CFAP99: variants seen among roughly 807,000 people sequenced by gnomAD.
CFAP99 encodes the protein cilia and flagella associated protein 99.
CFAP99 carries 84 observed loss-of-function variants against 82.7 expected under a neutral mutation model. The ratio of observed to expected loss-of-function variants is 1.02; its 90% CI spans 0.85 to 1.22. The LOEUF (loss-of-function observed/expected upper bound fraction) is 1.22. Ranked by LOEUF, CFAP99 falls within the 50% of genes most tolerant of loss-of-function variation. The pLI, the probability that CFAP99 is intolerant of heterozygous loss-of-function variation, is 0.00. For synonymous variants in CFAP99, 456 were observed against 429.5 expected, an observed-to-expected ratio of 1.06 and a Z score of -0.76; for missense variants, 1,059 against 983.5, an observed-to-expected ratio of 1.08 and a Z score of -1.03.
Position 2,462,661 on chromosome 4 carries a change from G to C in CFAP99, c.1880G>C (p.Gly627Ala), listed in dbSNP as rs1015652308. 23 of 1,272,070 alleles carry C rather than the reference G, an allele frequency of 1.8e-5. No homozygotes were observed. The highest frequency in any genetic ancestry group is 2.1e-5 in the Non-Finnish European group (21 of 1,011,758). 78.8% of individuals were successfully genotyped at this position (1,272,070 alleles called of 1,614,324 possible). A position where few individuals can be genotyped will look rare whatever the true frequency, so the allele number is the denominator to read the frequency against. Residue 627 changes from glycine (G) to alanine (A), a missense_variant, in exon 15 of 15, where the codon GGA (glycine) becomes GCA (alanine). Coordinates refer to ENST00000635017, the Ensembl canonical transcript of CFAP99. This position sits in a 1 kb window ranked among gnomAD's most constrained non-coding sequence, Gnocchi z 4.1. ...CGACTGAAAGCCGGGGCCGGGTGGG[G>C]ATGGCGGGCGCGGCGCGCAGGGACC...
chr4:2,459,355 T>C (rs1238153835), intron 13 of CFAP99, 97 bp downstream of exon 13: 2 of 1,388,848 alleles, frequency 1.4e-6, no homozygotes, highest in Admixed American at 2.7e-5. Context: ...GAGCCACAGG[T>C]GGGTCTTGCA....
chr4:2,459,342 C>A, intron 13 of CFAP99, 84 bp downstream of exon 13: 1 of 1,427,492 alleles, frequency 7.0e-7, no homozygotes, highest in Non-Finnish European at 9.2e-7. Flanking sequence ...AGGGTTCCCA[C>A]CAGAGCCACA....
At chr4:2,419,262 A>G (rs1358845125) in intron 1 of CFAP99, among the ~76,000 whole-genome samples, 169 bp downstream of exon 1, 6 of 148,504 alleles carry the variant, frequency 4.0e-5, no homozygotes, top group Middle Eastern at 3.5e-3. Context: ...TTAAATCACC[A>G]CTATCAGCGG....
chr4:2,442,527 C>T (rs971154327), intron 4 of CFAP99, among the ~76,000 whole-genome samples: 1 of 152,082 alleles, frequency 6.6e-6, no homozygotes, highest in African/African-American at 2.4e-5. Context: ...CGCCATCCTG[C>T]CCACCATTAC....
chr4:2,462,476 G>T lies in CFAP99; in HGVS notation c.1695G>T (p.Pro565=). The T allele has an allele frequency of 6.8e-7, 1 of 1,470,976 alleles. No homozygotes were observed. Among genetic ancestry groups the T allele is most frequent in the South Asian group, 1.3e-5 (1 of 77,076 alleles). The allele number at this position is 1,470,976 out of a possible 1,614,324, so 91.1% of individuals were successfully genotyped here. A position where few individuals can be genotyped will look rare whatever the true frequency, so the allele number is the denominator to read the frequency against. The change falls in exon 15 of 15, where the codon CCG becomes CCT. Residue 565 remains proline (P), a synonymous_variant. Transcript: ENST00000635017. The surrounding 1 kb of genome is among the most constrained non-coding windows in gnomAD (Gnocchi z 4.1). ...AAAAGAAGGCCCTTGCGGCGGCCCC[G>T]GCGGCGCCCTCGCAGGACGAGCGCG... is the stretch of plus-strand genomic sequence containing the variant.
chr4:2,445,992 G>T (rs1334127933), intron 6 of CFAP99, among the ~76,000 whole-genome samples: 1 of 152,202 alleles, frequency 6.6e-6, no homozygotes, highest in African/African-American at 2.4e-5. Flanking sequence ...ATAATGTCCT[G>T]ACTGGTTACG....
intron 11 of CFAP99, among the ~76,000 whole-genome samples, chr4:2,454,594 G>GTTTTTTTTTTTTTTTTTTTT (rs1204498727): frequency 1.7e-4 from 14 of 84,534 alleles, no homozygotes; most frequent in East Asian, 4.1e-4. Context: ...TTTTTTTTTT[G>GTTTTTTTTTTTTTTTTTTTT]TTTTTTTTTT....
At position 2,449,763 on chromosome 4, in the gene CFAP99, C is replaced by T. The variant is rs540800678; in HGVS notation, c.723+13C>T. 2.1e-4 allele frequency: 326 copies of T among 1,535,910 alleles called. 1 individual carries two copies. Among genetic ancestry groups the T allele is most frequent in the Non-Finnish European group, 6.3e-5 (72 of 1,146,660 alleles). On this transcript the variant is annotated intron_variant, in intron 7 of 14. Coordinates refer to ENST00000635017, the Ensembl canonical transcript of CFAP99. ...CCGAAAGGCCGAGGTGAGCTGTGTG[C>T]GACCCCTGCCTTCCTAGAGACCCCA...
Position 2,449,982 on chromosome 4 carries a change from AGG to A in CFAP99, c.773_774del (p.Arg258IlefsTer31). ...CGAGGAACTGCGCTGCGCCATGCCC[AGG>A]TCCTGCAGGGAGCGAGTGCAGGTAC... is the stretch of plus-strand genomic sequence containing the variant. On this transcript the variant is annotated frameshift_variant, in exon 8 of 15. Transcript: ENST00000635017. LOFTEE classifies it high-confidence loss of function. 6.5e-7 allele frequency: 1 copy of A among 1,536,178 alleles called. No homozygotes were observed. Among genetic ancestry groups the A allele is most frequent in the Non-Finnish European group, 8.7e-7 (1 of 1,146,912 alleles).
rs747770075 is a variant in CFAP99, at chr4:2,452,316, C to G, written c.1131C>G (p.Asn377Lys). ...CCCGGCAGAGCCTCATGCAGGAGAA[C>G]AAGCAGAGGGTGGAGCAGCAGAAGG... The change falls in exon 11 of 15, where the codon AAC becomes AAG. Residue 377 changes from asparagine (N) to lysine (K), a missense_variant. Asn to Lys is a moderately conservative substitution (Grantham distance 94). Transcript: ENST00000635017. 13 of 1,535,016 alleles carry G rather than the reference C, an allele frequency of 8.5e-6. No homozygotes were observed. In the South Asian group the frequency reaches 1.3e-4, roughly 15 times the overall value.
At position 2,459,105 on chromosome 4, in the gene CFAP99, A is replaced by G; in HGVS notation, c.1304-2A>G. On this transcript the variant is annotated splice_acceptor_variant, in intron 12 of 14. Coordinates refer to ENST00000635017, the Ensembl canonical transcript of CFAP99. LOFTEE classifies it high-confidence loss of function. ...ACCTCAGCTCCTGGCTTGGCCCCCA[A>G]GTTCAGGAGGCGATCGAGGAGAGCA... The G allele has an allele frequency of 6.6e-7, 1 of 1,507,728 alleles. No individual in the cohort carries two copies. Among genetic ancestry groups the G allele is most frequent in the South Asian group, 1.2e-5 (1 of 81,620 alleles). The allele number at this position is 1,507,728 out of a possible 1,614,324, so 93.4% of individuals were successfully genotyped here. A position where few individuals can be genotyped will look rare whatever the true frequency, so the allele number is the denominator to read the frequency against.
At chr4:2,457,677 A>G (rs1204441906) in intron 11 of CFAP99, among the ~76,000 whole-genome samples, 1 of 152,174 alleles carries the variant, frequency 6.6e-6, no homozygotes, top group African/African-American at 2.4e-5. Flanking sequence ...CCAGGTGACC[A>G]CACACTCATC....
chr4:2,435,501 T>C (rs1733888355), intron 2 of CFAP99, among the ~76,000 whole-genome samples: 1 of 152,112 alleles, frequency 6.6e-6, no homozygotes, highest in Non-Finnish European at 1.5e-5. Flanking sequence ...TAAAAATGAC[T>C]AAGAAAAATG....
At chr4:2,450,516 C>T (rs1734278303) in intron 8 of CFAP99, among the ~76,000 whole-genome samples, 1 of 152,166 alleles carries the variant, frequency 6.6e-6, no homozygotes, top group Admixed American at 6.5e-5. Context: ...GCCTTTGCAG[C>T]CACTCCCCTC....
chr4:2,425,185 C>T (rs1733659248), intron 1 of CFAP99, among the ~76,000 whole-genome samples: 1 of 152,214 alleles, frequency 6.6e-6, no homozygotes, highest in Admixed American at 6.5e-5. Context: ...TCTTGCATGG[C>T]AGTGCCTGGT....
chr4:2,443,013 C>T, intron 4 of CFAP99, 117 bp from the exon 5 acceptor site: 2 of 422,072 alleles, frequency 4.7e-6, no homozygotes, highest in Non-Finnish European at 8.4e-6. Flanking sequence ...TTGGGGGGAG[C>T]CACTGGGGGT....
intron 2 of CFAP99, among the ~76,000 whole-genome samples, chr4:2,434,042 C>T (rs923885828): frequency 2.0e-5 from 3 of 152,126 alleles, no homozygotes; most frequent in Non-Finnish European, 4.4e-5. Context: ...AGCTGGGGTC[C>T]CCCAGCCGAA....
intron 11 of CFAP99, among the ~76,000 whole-genome samples, chr4:2,458,409 C>T (rs780067349): frequency 5.9e-5 from 9 of 152,252 alleles, no homozygotes; most frequent in Middle Eastern, 3.4e-3. Context: ...GAACAGCCTA[C>T]GTTGCTACTG....
chr4:2,425,630 G>A (rs910432909), intron 1 of CFAP99, among the ~76,000 whole-genome samples: 2 of 152,180 alleles, frequency 1.3e-5, no homozygotes, highest in Admixed American at 6.5e-5. Context: ...TCTGCCCAGC[G>A]CTGCCCTACT....
Sources: gnomAD v4.1 joint callset for allele counts (sites outside exome capture counted in the v4.1 genomes callset) on GRCh38, gnomAD v4.1.1 for gene constraint, Gnocchi (gnomAD v3.1) non-coding constraint, MANE v1.5 for transcripts, NCBI Gene and HGNC (gene_info 2026-07-23, HGNC 2026-07-21) for gene names.